TCF4: variants seen among roughly 807,000 people sequenced by gnomAD.
TCF4 encodes the protein SL3-3 enhancer factor 2.
Under a neutral mutation model 82.1 loss-of-function variants are expected in TCF4, and 3 were observed. The observed-to-expected ratio is 0.04, with a 90% CI of 0.02 to 0.09. The LOEUF is 0.09. TCF4 is among the 10% of genes least tolerant of loss of function. TCF4 has a pLI of 1.00. For missense variants in TCF4, 518 were observed against 852.7 expected, an observed-to-expected ratio of 0.61 and a Z score of 4.89; for synonymous variants, 276 against 309.6, an observed-to-expected ratio of 0.89 and a Z score of 1.14.
At chr18:55,590,470 A>G (rs2097683207), upstream of TCF4, among the ~76,000 whole-genome samples, 1 of 152,244 alleles carries the variant, frequency 6.6e-6, no homozygotes. Flanking sequence ...GCCATAAGCC[A>G]CGACTGACTC....
intron 6 of TCF4, among the ~76,000 whole-genome samples, chr18:55,365,191 A>ATATATATATATGTGTG (rs1361444592): frequency 5.1e-5 from 5 of 97,956 alleles, no homozygotes; most frequent in Admixed American, 3.1e-4. Context: ...ATATATATAT[A>ATATATATATATGTGTG]TGTGTGTGTG....
chr18:55,470,700 C>T (rs933620131), intron 3 of TCF4, among the ~76,000 whole-genome samples: 1 of 152,150 alleles, frequency 6.6e-6, no homozygotes, highest in African/African-American at 2.4e-5. Context: ...ATGCCAATCA[C>T]CCAGGACCCT....
intron 8 of TCF4, among the ~76,000 whole-genome samples, chr18:55,340,295 T>C (rs2147943999): frequency 6.6e-6 from 1 of 152,212 alleles, no homozygotes; most frequent in East Asian, 1.9e-4. Context: ...GAAGATAAAG[T>C]ATTTCCAACA....
At chr18:55,597,439 C>T (rs1469892479) in intron 2 of TCF4, among the ~76,000 whole-genome samples, 1 of 151,960 alleles carries the variant, frequency 6.6e-6, no homozygotes, top group East Asian at 1.9e-4. Flanking sequence ...CTGAGGTGGG[C>T]GGATCACCTG....
At chr18:55,609,050 A>T (rs769099525) in intron 2 of TCF4, among the ~76,000 whole-genome samples, 3 of 152,182 alleles carry the variant, frequency 2.0e-5, no homozygotes, top group Non-Finnish European at 4.4e-5. Context: ...CTGCTATATG[A>T]AGATACAATG....
chr18:55,237,849 C>T lies in TCF4; in HGVS notation c.1351-3166G>A, dbSNP rs759516448. On this transcript the variant is annotated intron_variant, in intron 15 of 19. Transcript: ENST00000354452. ...TGGCATATTCTAACCCTGTTTTCTT[C>T]TCTTTCAGAAACATTATTTCTGGTC... is the stretch of plus-strand genomic sequence containing the variant. Among the ~76,000 whole-genome samples the T allele has an allele frequency of 6.6e-5, 10 of 152,208 alleles. No homozygotes were observed. In the South Asian group the frequency reaches 1.9e-3, roughly 28 times the overall value.
intron 11 of TCF4, 80 bp downstream of exon 11, chr18:55,269,751 A>C: frequency 6.3e-7 from 1 of 1,577,302 alleles, no homozygotes; most frequent in African/African-American, 1.3e-5. Flanking sequence ...CTATTCAGTT[A>C]TGAAAGGGAA....
chr18:55,339,754 A>G (rs1398667513), intron 8 of TCF4, among the ~76,000 whole-genome samples: 1 of 152,242 alleles, frequency 6.6e-6, no homozygotes, highest in East Asian at 1.9e-4. Flanking sequence ...TTTATATATA[A>G]AAAAAAGTGT....
intron 8 of TCF4, among the ~76,000 whole-genome samples, chr18:55,329,444 G>A (rs1212118911): frequency 1.3e-5 from 2 of 152,094 alleles, no homozygotes; most frequent in African/African-American, 2.4e-5. Flanking sequence ...TAAATCCCAC[G>A]AGTAATCTAA....
chr18:55,462,115 G>C (rs920829905), intron 4 of TCF4, among the ~76,000 whole-genome samples: 1 of 152,124 alleles, frequency 6.6e-6, no homozygotes, highest in Non-Finnish European at 1.5e-5. Flanking sequence ...CATGAACAAG[G>C]AAAAGACACA....
intron 5 of TCF4, among the ~76,000 whole-genome samples, chr18:55,420,537 C>T (rs1256307916): frequency 6.6e-6 from 1 of 152,080 alleles, no homozygotes; most frequent in East Asian, 2.0e-4. Context: ...GCTAACCACA[C>T]TGACAACAAA....
At chr18:55,265,883 C>T (rs2059059871) in intron 11 of TCF4, 1 of 152,168 alleles carries the variant, frequency 6.6e-6, no homozygotes, top group South Asian at 2.1e-4. Flanking sequence ...TCCTTCAACC[C>T]TGTTTGGTTT....
chr18:55,621,967 ATAT>A lies in TCF4; in HGVS notation c.286+9328_286+9330del, dbSNP rs2097721186. On this transcript the variant is annotated intron_variant, in intron 2 of 20. Coordinates refer to the TCF4 transcript ENST00000398339. The stretch of plus-strand genomic sequence containing the variant: ...ACTATATATATTATATATACACTAT[ATAT>A]TATATATTATATATACACTATATAT... Among the ~76,000 whole-genome samples, 2 of 127,274 alleles carry A rather than the reference ATAT, an allele frequency of 1.6e-5. 1 individual carries two copies. The highest frequency in any genetic ancestry group is 3.1e-5 in the Non-Finnish European group (2 of 64,240). The allele number at this position is 127,274 out of a possible 152,430, so 83.5% of individuals were successfully genotyped here. A position where few individuals can be genotyped will look rare whatever the true frequency, so the allele number is the denominator to read the frequency against.
chr18:55,516,663 A>C (rs2096885104), intron 3 of TCF4, among the ~76,000 whole-genome samples: 2 of 152,138 alleles, frequency 1.3e-5, no homozygotes, highest in South Asian at 4.1e-4. Context: ...TTGAGTGAAG[A>C]GAGAGATGAA....
chr18:55,246,429 T>C (rs535240852), intron 15 of TCF4, among the ~76,000 whole-genome samples: 1 of 152,198 alleles, frequency 6.6e-6, no homozygotes, highest in South Asian at 2.1e-4. Flanking sequence ...TTCAACATCA[T>C]AGAGTCTGAA....
chr18:55,239,295 T>A (rs2050491235), intron 15 of TCF4, among the ~76,000 whole-genome samples: 1 of 152,188 alleles, frequency 6.6e-6, no homozygotes, highest in South Asian at 2.1e-4. Flanking sequence ...TGGTTATATA[T>A]CAGTTAGGTC....
rs555661253 is a variant in TCF4 at position 55,384,680 on chromosome 18, A to T, written c.369+18774T>A. Among the ~76,000 whole-genome samples, 20 of 152,300 alleles carry T rather than the reference A, an allele frequency of 1.3e-4. No individual in the cohort carries two copies. The South Asian group carries it at 3.9e-3, about 30-fold the overall frequency. On this transcript the variant is annotated intron_variant, in intron 6 of 19. Transcript: ENST00000354452. ...AAGAGCCAAAAGAAGAGCCAAAGTTATCCATCCACCTGACCTTTTTCCCAT... is the reference window on the plus strand; with the variant it reads ...AAGAGCCAAAAGAAGAGCCAAAGTTTTCCATCCACCTGACCTTTTTCCCAT...
chr18:55,632,087 G>C (rs1347716701), intron 1 of TCF4, among the ~76,000 whole-genome samples: 1 of 152,164 alleles, frequency 6.6e-6, no homozygotes, highest in Non-Finnish European at 1.5e-5. Context: ...GGCCCAGGCT[G>C]GAGTGCAGTG....
intron 6 of TCF4, among the ~76,000 whole-genome samples, chr18:55,386,972 C>G (rs2092660163): frequency 6.6e-6 from 1 of 152,192 alleles, no homozygotes; most frequent in Non-Finnish European, 1.5e-5. Context: ...CGGATACACA[C>G]AGGCACCATT....
Sources: gnomAD v4.1 joint callset for allele counts (sites outside exome capture counted in the v4.1 genomes callset) on GRCh38, gnomAD v4.1.1 for gene constraint, MANE v1.5 for transcripts, NCBI Gene and HGNC (gene_info 2026-07-23, HGNC 2026-07-21) for gene names.